The following GRB2 variants were observed in gnomAD, a reference collection of about 807,000 sequenced individuals.
GRB2 encodes the protein growth factor receptor-bound protein 2.
In GRB2, 2 loss-of-function variants were observed where a neutral mutation model predicts 27.4. The observed-to-expected ratio is 0.07, with a 90% CI of 0.03 to 0.23. The LOEUF is 0.23. Ranked by LOEUF, GRB2 falls within the 10% of genes least tolerant of loss-of-function variation. The probability of loss-of-function intolerance (pLI) is 1.00; values close to 1 mark genes in which losing one functional copy is unlikely to be tolerated. For synonymous variants in GRB2, 94 were observed against 99.6 expected (o/e 0.94, Z 0.33); for missense variants, 102 against 282.4 (o/e 0.36, Z 4.58).
chr17:75,326,390 C>T (rs1019684732), intron 3 of GRB2: 1 of 222,726 alleles, frequency 4.5e-6, no homozygotes, highest in African/African-American at 2.3e-5. Flanking sequence ...GGATGAACTG[C>T]CAAGGAGAGA....
intron 1 of GRB2, among the ~76,000 whole-genome samples, chr17:75,394,611 C>T (rs1212878386): frequency 6.6e-6 from 1 of 151,796 alleles, no homozygotes; most frequent in Non-Finnish European, 1.5e-5. Flanking sequence ...TCTAACTAAC[C>T]TAAGGAGCAG....
At chr17:75,343,040 A>C (rs2078631355) in intron 2 of GRB2, among the ~76,000 whole-genome samples, 1 of 103,106 alleles carries the variant, frequency 9.7e-6, no homozygotes, top group African/African-American at 3.0e-5. Flanking sequence ...ACAGAGAGAA[A>C]CCTTGTCTCA....
chr17:75,390,741 ACCAGGAACT>A (rs1389421150), intron 2 of GRB2, among the ~76,000 whole-genome samples: 1 of 152,184 alleles, frequency 6.6e-6, no homozygotes. Flanking sequence ...CTAAAAGTTA[ACCAGGAACT>A]CCAAGACAGG....
chr17:75,343,633 A>C (rs1189297567), intron 2 of GRB2, among the ~76,000 whole-genome samples: 4 of 152,164 alleles, frequency 2.6e-5, no homozygotes, highest in Non-Finnish European at 5.9e-5. Context: ...CACTTATGTG[A>C]TATTACTCCA....
intron 2 of GRB2, among the ~76,000 whole-genome samples, chr17:75,343,626 TTA>T (rs781729966): frequency 2.0e-5 from 3 of 152,188 alleles, no homozygotes; most frequent in Non-Finnish European, 4.4e-5. Context: ...TAGTTCACAC[TTA>T]TGTGATATTA....
chr17:75,352,304 C>T (rs1322820100), intron 2 of GRB2, among the ~76,000 whole-genome samples: 4 of 152,208 alleles, frequency 2.6e-5, no homozygotes, highest in Admixed American at 2.6e-4. Flanking sequence ...TAAGCACCTA[C>T]ACGCTGCTCC....
At chr17:75,404,011 G>C (rs1433214682) in intron 1 of GRB2, among the ~76,000 whole-genome samples, 1 of 151,388 alleles carries the variant, frequency 6.6e-6, no homozygotes, top group Non-Finnish European at 1.5e-5. Context: ...TACTCGGGAG[G>C]CTGAGGCAGG....
rs1555612122 is a variant in GRB2, at chr17:75,376,367, A to AAAT, written c.78+17183_78+17184insATT. 4.6e-3 allele frequency among the ~76,000 whole-genome samples: 661 copies of AAAT among 142,474 alleles called. 4 individuals are homozygous for AAAT. Among genetic ancestry groups the AAAT allele is most frequent in the Non-Finnish European group, 8.2e-3 (533 of 64,854 alleles). The allele number at this position is 142,474 out of a possible 152,430, so 93.5% of individuals were successfully genotyped here. A position where few individuals can be genotyped will look rare whatever the true frequency, so the allele number is the denominator to read the frequency against. ...CTCAAAAAAAAAAAAAAAAAAAAAA[A>AAAT]TTTTTTAACCCGACCTGGTGGCATG... On this transcript the variant is annotated intron_variant, in intron 2 of 5. Transcript: ENST00000316804.
At chr17:75,367,087 A>G (rs1266409805) in intron 2 of GRB2, among the ~76,000 whole-genome samples, 1 of 152,178 alleles carries the variant, frequency 6.6e-6, no homozygotes, top group Non-Finnish European at 1.5e-5. Context: ...CACAAATAAA[A>G]TTAAGGCTTA....
intron 2 of GRB2, among the ~76,000 whole-genome samples, chr17:75,360,590 C>T (rs1232514076): frequency 6.6e-6 from 1 of 152,220 alleles, no homozygotes; most frequent in African/African-American, 2.4e-5. Flanking sequence ...ATCATTACCA[C>T]TTGTGTCTGT....
At chr17:75,337,007 G>C (rs1415193254) in intron 2 of GRB2, among the ~76,000 whole-genome samples, 3 of 152,144 alleles carry the variant, frequency 2.0e-5, no homozygotes, top group Non-Finnish European at 2.9e-5. Flanking sequence ...CAAAGTGCTG[G>C]GATTATAGGC....
intron 2 of GRB2, among the ~76,000 whole-genome samples, chr17:75,382,627 T>A (rs994117542): frequency 5.9e-5 from 9 of 152,258 alleles, no homozygotes; most frequent in African/African-American, 2.2e-4. Context: ...GAACTACTGC[T>A]AGAAACCAGA....
chr17:75,393,852 C>A (rs1375405912), intron 1 of GRB2, 87 bp from the exon 2 acceptor site: 3 of 546,366 alleles, frequency 5.5e-6, no homozygotes, highest in South Asian at 2.3e-5. Flanking sequence ...CCAGCCCCCA[C>A]GCCCCCTGGC....
chr17:75,324,542 A>C (rs1410932706), intron 4 of GRB2, among the ~76,000 whole-genome samples: 1 of 83,552 alleles, frequency 1.2e-5, no homozygotes, highest in East Asian at 4.2e-4. Context: ...TTTTGGAGAC[A>C]GAGTTTTGCT....
intron 3 of GRB2, among the ~76,000 whole-genome samples, chr17:75,327,706 G>A (rs948612871): frequency 3.3e-5 from 5 of 152,106 alleles, no homozygotes; most frequent in Non-Finnish European, 7.4e-5. Flanking sequence ...CATATTGGAA[G>A]ATGTACCTAA....
chr17:75,354,546 A>T (rs1227744074), intron 2 of GRB2, among the ~76,000 whole-genome samples: 1 of 152,130 alleles, frequency 6.6e-6, no homozygotes, highest in African/African-American at 2.4e-5. Context: ...TCCTTGTAAG[A>T]ATCTAATGCC....
chr17:75,400,004 T>C (rs1357827466), intron 1 of GRB2, among the ~76,000 whole-genome samples: 2 of 144,006 alleles, frequency 1.4e-5, no homozygotes, highest in African/African-American at 5.2e-5. Flanking sequence ...ATACATACTC[T>C]TTTTTTTTTT....
At chr17:75,389,018 C>T (rs1194604792) in intron 2 of GRB2, among the ~76,000 whole-genome samples, 1 of 152,166 alleles carries the variant, frequency 6.6e-6, no homozygotes, top group African/African-American at 2.4e-5. Context: ...AGACACTTGA[C>T]ACACAACCCG....
At chr17:75,324,356 C>G (rs1469844404) in intron 4 of GRB2, among the ~76,000 whole-genome samples, 1 of 143,340 alleles carries the variant, frequency 7.0e-6, no homozygotes, top group East Asian at 2.0e-4. Flanking sequence ...CACGCCGAGG[C>G]CATTTTTGTA....
Sources: allele counts gnomAD v4.1 joint callset (sites outside exome capture counted in the v4.1 genomes callset), GRCh38; gene constraint gnomAD v4.1.1; transcripts MANE v1.5; gene names NCBI Gene and HGNC (gene_info 2026-07-23, HGNC 2026-07-21).